Variants in OR6N1 observed in about 807,000 individuals in gnomAD.
OR6N1 encodes the protein olfactory receptor 6N1.
For synonymous variants in OR6N1, 170 were observed against 150.7 expected, an observed-to-expected ratio of 1.13 and a Z score of -0.94; for missense variants, 394 against 371.7, an observed-to-expected ratio of 1.06 and a Z score of -0.49.
the OR6N1 span, among the ~76,000 whole-genome samples, chr1:158,791,807 G>A: frequency 6.6e-6 from 1 of 152,098 alleles, no homozygotes; most frequent in Non-Finnish European, 1.5e-5. Context: ...TTCTTTTCTG[G>A]CCTATCATAT....
intron 1 of OR6N1, among the ~76,000 whole-genome samples, chr1:158,768,161 T>C (rs1468928425): frequency 3.3e-5 from 5 of 151,924 alleles, no homozygotes; most frequent in African/African-American, 1.2e-4. Flanking sequence ...CTTTTTTTTT[T>C]CTCTTCTATA....
At chr1:158,806,111 A>T in the OR6N1 span, among the ~76,000 whole-genome samples, 1 of 152,210 alleles carries the variant, frequency 6.6e-6, no homozygotes, top group Non-Finnish European at 1.5e-5. Flanking sequence ...TGTTGGGCCC[A>T]TAATAGTTCC....
chr1:158,831,459 G>A, the OR6N1 span: 2 of 152,190 alleles, frequency 1.3e-5, no homozygotes, highest in South Asian at 4.1e-4. Flanking sequence ...ATAGTCTGCA[G>A]TTTAATCTCT....
the OR6N1 span, among the ~76,000 whole-genome samples, chr1:158,830,622 G>T: frequency 9.9e-5 from 15 of 152,128 alleles, no homozygotes; most frequent in Non-Finnish European, 1.9e-4. Context: ...CAGTACAAAG[G>T]GTTTATCAGG....
intron 1 of OR6N1, among the ~76,000 whole-genome samples, chr1:158,768,033 G>A (rs1354048950): frequency 6.6e-6 from 1 of 151,772 alleles, no homozygotes; most frequent in East Asian, 1.9e-4. Context: ...TGATTCTCGG[G>A]GTACTATACT....
intron 1 of OR6N1, among the ~76,000 whole-genome samples, chr1:158,771,223 A>G (rs1177764995): frequency 6.6e-6 from 1 of 152,126 alleles, no homozygotes; most frequent in Non-Finnish European, 1.5e-5. Context: ...GTACTTTCTC[A>G]CTGTCCCTCC....
the OR6N1 span, among the ~76,000 whole-genome samples, chr1:158,822,938 A>G: frequency 6.6e-6 from 1 of 152,210 alleles, no homozygotes; most frequent in East Asian, 1.9e-4. Flanking sequence ...AATTTTATCA[A>G]AAACTCTTTC....
the OR6N1 span, among the ~76,000 whole-genome samples, chr1:158,790,768 A>AT: frequency 2.6e-5 from 4 of 152,180 alleles, no homozygotes; most frequent in South Asian, 6.2e-4. Context: ...AATAGTATTA[A>AT]TTTTTTTAAT....
At chr1:158,771,887 C>A (rs977199965) in intron 1 of OR6N1, 134 bp downstream of exon 1, 2 of 152,184 alleles carry the variant, frequency 1.3e-5, no homozygotes, top group African/African-American at 2.4e-5. Context: ...AAAATAGTTT[C>A]TGTGTTTCAA....
the OR6N1 span, among the ~76,000 whole-genome samples, chr1:158,804,704 C>A: frequency 3.3e-5 from 5 of 151,828 alleles, no homozygotes; most frequent in Non-Finnish European, 7.4e-5. Context: ...ATATGTAATA[C>A]ATTATTTTTA....
chr1:158,824,989 T>C, the OR6N1 span, among the ~76,000 whole-genome samples: 4 of 150,632 alleles, frequency 2.7e-5, no homozygotes, highest in Non-Finnish European at 5.9e-5. Flanking sequence ...AAGTAAAGAG[T>C]TTCTGCACAG....
At chr1:158,811,578 G>A in the OR6N1 span, among the ~76,000 whole-genome samples, 3 of 152,158 alleles carry the variant, frequency 2.0e-5, no homozygotes, top group African/African-American at 7.2e-5. Flanking sequence ...AGCAGGTACT[G>A]GATGGATGTA....
At chr1:158,768,080 A>T (rs1006395941) in intron 1 of OR6N1, among the ~76,000 whole-genome samples, 4 of 151,550 alleles carry the variant, frequency 2.6e-5, no homozygotes, top group African/African-American at 9.7e-5. Flanking sequence ...ATTCCTTCTC[A>T]TTCTCCAACT....
chr1:158,775,899 A>G (rs1225762865), upstream of OR6N1: 1 of 152,198 alleles, frequency 6.6e-6, no homozygotes, highest in African/African-American at 2.4e-5. Context: ...TTGACATGTT[A>G]AGTTTTAAAT....
At chr1:158,776,658 G>A, upstream of OR6N1, 1 of 1,387,538 alleles carries the variant, frequency 7.2e-7, no homozygotes, top group South Asian at 1.3e-5. Context: ...GAACATTGAG[G>A]TGAGAAAGGA....
chr1:158,795,131 G>A, the OR6N1 span, among the ~76,000 whole-genome samples: 1 of 152,300 alleles, frequency 6.6e-6, no homozygotes, highest in African/African-American at 2.4e-5. Flanking sequence ...TTCCAAGGAA[G>A]AGTGTAGCTT....
upstream of OR6N1, chr1:158,776,675 A>G (rs1197037815): frequency 2.6e-6 from 4 of 1,545,130 alleles, no homozygotes; most frequent in Admixed American, 1.8e-5. Context: ...AGGACATGGG[A>G]AGAAAGTCAA....
At chr1:158,827,733 C>T in the OR6N1 span, among the ~76,000 whole-genome samples, 1 of 152,092 alleles carries the variant, frequency 6.6e-6, no homozygotes, top group Non-Finnish European at 1.5e-5. Flanking sequence ...TTTGAGTCAG[C>T]AGTTTGTGCG....
the OR6N1 span, among the ~76,000 whole-genome samples, chr1:158,812,385 T>C: frequency 5.9e-5 from 9 of 152,354 alleles, no homozygotes; most frequent in South Asian, 2.1e-4. Context: ...GTTCCAAATA[T>C]AGGCCTTGCT....
Sources: allele counts gnomAD v4.1 joint callset (sites outside exome capture counted in the v4.1 genomes callset), GRCh38; gene constraint gnomAD v4.1.1; transcripts MANE v1.5; gene names NCBI Gene and HGNC (gene_info 2026-07-23, HGNC 2026-07-21).